The following TRIO variants were observed in gnomAD, a reference collection of about 807,000 sequenced individuals.
TRIO encodes triple functional domain protein.
A neutral mutation model predicts 351.9 loss-of-function variants in TRIO; 58 were observed. The observed-to-expected ratio is 0.16, with a 90% CI of 0.13 to 0.21. The LOEUF is 0.21. TRIO is among the 10% of genes least tolerant of loss of function. The pLI is 1.00. For synonymous variants in TRIO, 1,758 were observed against 1,595.7 expected, an observed-to-expected ratio of 1.10 and a Z score of -2.42; for missense variants, 3,201 against 4,027.8, an observed-to-expected ratio of 0.79 and a Z score of 5.56.
chr5:14,346,432 TACCA>T (rs1389194870), intron 11 of TRIO, among the ~76,000 whole-genome samples: 1 of 152,196 alleles, frequency 6.6e-6, no homozygotes, highest in African/African-American at 2.4e-5. Context: ...GATCCCTGGG[TACCA>T]AAAGAACTTG....
intron 1 of TRIO, among the ~76,000 whole-genome samples, chr5:14,149,322 C>CA (rs1343211224): frequency 1.3e-5 from 2 of 152,228 alleles, no homozygotes; most frequent in Non-Finnish European, 2.9e-5. Context: ...TCTGTGCAGA[C>CA]AGTCTTGCTT....
intron 4 of TRIO, among the ~76,000 whole-genome samples, chr5:14,288,808 CCTT>C (rs1213459915): frequency 6.6e-6 from 1 of 152,168 alleles, no homozygotes; most frequent in Non-Finnish European, 1.5e-5. Context: ...CCGGACCAGC[CCTT>C]CTTGTTTTCT....
chr5:14,241,665 T>TA (rs1213319090), intron 1 of TRIO, among the ~76,000 whole-genome samples: 1 of 152,222 alleles, frequency 6.6e-6, no homozygotes, highest in Non-Finnish European at 1.5e-5. Context: ...TTATATTATT[T>TA]AAAATAGCAC....
At chr5:14,496,098 C>CT (rs1756875300) in intron 49 of TRIO, among the ~76,000 whole-genome samples, 1 of 152,036 alleles carries the variant, frequency 6.6e-6, no homozygotes, top group African/African-American at 2.4e-5. Context: ...CGGATGATAG[C>CT]ATTTTTTTTA....
chr5:14,359,629 G>A (rs1743955594), intron 13 of TRIO, 98 bp downstream of exon 13: 16 of 1,410,816 alleles, frequency 1.1e-5, no homozygotes, highest in South Asian at 2.7e-5. Context: ...GAGGTCCTGT[G>A]TCCTCACCCA....
At chr5:14,391,305 A>G (rs952631965) in intron 27 of TRIO, among the ~76,000 whole-genome samples, 5 of 152,326 alleles carry the variant, frequency 3.3e-5, no homozygotes, top group African/African-American at 1.2e-4. Context: ...TATATTCAAT[A>G]CATTTTTTCA....
chr5:14,183,597 AAG>A (rs554062060), intron 1 of TRIO, among the ~76,000 whole-genome samples: 269 of 152,212 alleles, frequency 1.8e-3, no homozygotes, highest in African/African-American at 6.2e-3. Context: ...AGTAATTAAA[AAG>A]AGAAAAAAAC....
intron 1 of TRIO, among the ~76,000 whole-genome samples, chr5:14,171,791 TG>T (rs1278540857): frequency 1.3e-5 from 2 of 152,130 alleles, no homozygotes; most frequent in Non-Finnish European, 2.9e-5. Flanking sequence ...GGTGGGGGGA[TG>T]GTCGGTGGTT....
In TRIO at chr5:14,283,006, C is replaced by A. The variant is rs575626129; in HGVS notation, c.347+2570C>A. Among the ~76,000 whole-genome samples the A allele has an allele frequency of 3.3e-5, 5 of 152,264 alleles. No homozygotes were observed. In the South Asian group the frequency reaches 1.0e-3, roughly 32 times the overall value. On this transcript the variant is annotated intron_variant, in intron 3 of 56. Transcript: ENST00000344204. The stretch of plus-strand genomic sequence containing the variant: ...AAGTGAGTCCTCTCTGGGCCCTCTC[C>A]CCCAGGGTCCTGCAGGTGCTACCCC...
rs1278223424 is a variant in TRIO, at chr5:14,207,319, CACACACACACACACACA to C, written c.157+63438_157+63454del. Among the ~76,000 whole-genome samples the C allele has an allele frequency of 1.9e-4, 3 of 15,686 alleles. 1 individual carries two copies. The highest frequency in any genetic ancestry group is 4.2e-4 in the Non-Finnish European group (3 of 7,116). 10.3% of individuals were successfully genotyped at this position (15,686 alleles called of 152,430 possible). The stretch of plus-strand genomic sequence containing the variant: ...CAGGTAGCATAGCAAGACTGTCTCT[CACACACACACACACACA>C]CACACACACACACACACACACACAC... On this transcript the variant is annotated intron_variant, in intron 1 of 56. Transcript: ENST00000344204.
At chr5:14,468,779 G>A (rs1754465463) in intron 37 of TRIO, among the ~76,000 whole-genome samples, 1 of 152,200 alleles carries the variant, frequency 6.6e-6, no homozygotes, top group South Asian at 2.1e-4. Flanking sequence ...CAGAAACTCT[G>A]TATGTGTTTA....
chr5:14,424,607 A>C (rs980901589), intron 34 of TRIO, among the ~76,000 whole-genome samples: 2 of 152,200 alleles, frequency 1.3e-5, no homozygotes, highest in Non-Finnish European at 2.9e-5. Flanking sequence ...TGCCAAAAAC[A>C]GTCCCCCATA....
chr5:14,158,201 C>T (rs565288088), intron 1 of TRIO, among the ~76,000 whole-genome samples: 133 of 152,102 alleles, frequency 8.7e-4, no homozygotes, highest in East Asian at 7.8e-4. Flanking sequence ...CCGAAGCATG[C>T]GGATCACGAG....
intron 34 of TRIO, among the ~76,000 whole-genome samples, chr5:14,428,171 A>G (rs894208793): frequency 6.6e-6 from 1 of 152,190 alleles, no homozygotes; most frequent in African/African-American, 2.4e-5. Context: ...CCGTGACCTA[A>G]TAAGTCTTCC....
intron 4 of TRIO, among the ~76,000 whole-genome samples, chr5:14,289,016 A>G (rs1355914779): frequency 1.3e-5 from 2 of 151,312 alleles, no homozygotes; most frequent in Non-Finnish European, 2.9e-5. Context: ...CTAAGGGAGG[A>G]GGACTGCTTG....
intron 1 of TRIO, among the ~76,000 whole-genome samples, chr5:14,231,324 G>C (rs1793413802): frequency 6.6e-6 from 1 of 152,168 alleles, no homozygotes; most frequent in Non-Finnish European, 1.5e-5. Context: ...CAAGAGTTAA[G>C]GTTATATTTT....
At chr5:14,413,390 G>C (rs1749361482) in intron 33 of TRIO, among the ~76,000 whole-genome samples, 1 of 152,124 alleles carries the variant, frequency 6.6e-6, no homozygotes, top group Admixed American at 6.5e-5. Context: ...ATATTCAAAG[G>C]GTGGGTTCAT....
At chr5:14,258,217 C>G (rs959039465) in intron 1 of TRIO, among the ~76,000 whole-genome samples, 1 of 152,248 alleles carries the variant, frequency 6.6e-6, no homozygotes, top group African/African-American at 2.4e-5. Context: ...CCTGAATCCT[C>G]TCCACACCTC....
At chr5:14,237,429 T>A (rs1049326049) in intron 1 of TRIO, among the ~76,000 whole-genome samples, 23 of 152,194 alleles carry the variant, frequency 1.5e-4, no homozygotes, top group African/African-American at 5.3e-4. Flanking sequence ...GTTGTGAGTG[T>A]CGTGTGATGG....
Sources: gnomAD v4.1 joint callset for allele counts (sites outside exome capture counted in the v4.1 genomes callset) on GRCh38, gnomAD v4.1.1 for gene constraint, MANE v1.5 for transcripts, NCBI Gene and HGNC (gene_info 2026-07-23, HGNC 2026-07-21) for gene names.